Variants in GHR observed in about 807,000 individuals in gnomAD.
The protein encoded by GHR is growth hormone receptor, also known as GH receptor.
GHR carries 35 observed loss-of-function variants against 67.1 expected under a neutral mutation model. That is an observed-to-expected ratio of 0.52 (90% CI 0.40 to 0.69). GHR has a LOEUF of 0.69. Among genes scored for constraint, GHR ranks in the 30% least tolerant of loss-of-function variants. The pLI is 0.00. For missense variants in GHR, 792 were observed against 764.6 expected (o/e 1.04, Z -0.42); for synonymous variants, 272 against 269.1 (o/e 1.01, Z -0.10).
intron 3 of GHR, among the ~76,000 whole-genome samples, chr5:42,641,069 A>G (rs1012303146): frequency 1.6e-4 from 24 of 152,218 alleles, no homozygotes; most frequent in Middle Eastern, 3.4e-3. Flanking sequence ...GCCCTTAGTC[A>G]TGATCAAATA....
Position 42,424,581 on chromosome 5 carries a change from C to T in GHR, c.-12+626C>T, listed in dbSNP as rs1464443745. Reference sequence around the variant, plus strand: ...CTGGGGTCAGTAGAGTGACAGCCACCAGTCCGCATGAACTGGGGTAAGTGG... The same window carrying T: ...CTGGGGTCAGTAGAGTGACAGCCACTAGTCCGCATGAACTGGGGTAAGTGG... On this transcript the variant is annotated intron_variant, in intron 1 of 9. Coordinates refer to ENST00000230882, the MANE Select transcript of GHR (RefSeq NM_000163.5). This position sits in a 1 kb window ranked among gnomAD's most constrained non-coding sequence, Gnocchi z 4.1. 6.5e-7 allele frequency: 1 copy of T among 1,534,722 alleles called. No homozygotes were observed. Among genetic ancestry groups the T allele is most frequent in the Non-Finnish European group, 8.7e-7 (1 of 1,146,202 alleles).
At chr5:42,545,751 A>G (rs760938996) in intron 1 of GHR, among the ~76,000 whole-genome samples, 1 of 152,200 alleles carries the variant, frequency 6.6e-6, no homozygotes, top group Admixed American at 6.5e-5. Context: ...CTGCAAAGAT[A>G]TAGTCCAGGC....
In GHR at chr5:42,629,244, C is replaced by T. The variant is rs1234427870; in HGVS notation, c.136+141C>T. On this transcript the variant is annotated intron_variant, in intron 3 of 9. Transcript: ENST00000230882. The stretch of plus-strand genomic sequence containing the variant: ...GTTGAAATTTTATAGGCAAGCAAAA[C>T]ATTTTTTAAGGATTTATTTTTTAAC... 50 of 618,204 alleles carry T rather than the reference C, an allele frequency of 8.1e-5. 7 individuals are homozygous for T. The East Asian group carries it at 1.2e-3, about 15-fold the overall frequency. 38.3% of individuals were successfully genotyped at this position (618,204 alleles called of 1,614,324 possible). A position where few individuals can be genotyped will look rare whatever the true frequency, so the allele number is the denominator to read the frequency against.
At chr5:42,431,884 T>C (rs1743112381) in intron 1 of GHR, among the ~76,000 whole-genome samples, 1 of 152,304 alleles carries the variant, frequency 6.6e-6, no homozygotes. Context: ...GAAAAGGTAC[T>C]TTTATGTACT....
At position 42,718,165 on chromosome 5, in the gene GHR, A is replaced by G. The variant is rs1239893931; in HGVS notation, c.945+44A>G. On this transcript the variant is annotated intron_variant, in intron 9 of 9. Transcript: ENST00000230882. Reference sequence around the variant, plus strand: ...TAAATTGTAGCTAGTACTAATTAACACCTGAAGACTCCTGTCATATGTTGA... The same window carrying G: ...TAAATTGTAGCTAGTACTAATTAACGCCTGAAGACTCCTGTCATATGTTGA... 8 of 942,754 alleles carry G rather than the reference A, an allele frequency of 8.5e-6. 1 individual carries two copies. Among genetic ancestry groups the G allele is most frequent in the Non-Finnish European group, 1.4e-5 (8 of 567,820 alleles). 58.4% of individuals were successfully genotyped at this position (942,754 alleles called of 1,614,324 possible).
At chr5:42,464,771 G>GCA (rs1561318754) in intron 1 of GHR, among the ~76,000 whole-genome samples, 1 of 152,124 alleles carries the variant, frequency 6.6e-6, no homozygotes, top group Non-Finnish European at 1.5e-5. Flanking sequence ...GGCTGTGTGT[G>GCA]CACACACACA....
At chr5:42,622,523 A>G (rs1456268766) in intron 2 of GHR, among the ~76,000 whole-genome samples, 1 of 152,166 alleles carries the variant, frequency 6.6e-6, no homozygotes, top group African/African-American at 2.4e-5. Flanking sequence ...TCCAAAATGT[A>G]GAGTGACCAG....
chr5:42,490,379 A>G (rs186687198), intron 1 of GHR, among the ~76,000 whole-genome samples: 7 of 152,362 alleles, frequency 4.6e-5, no homozygotes, highest in African/African-American at 9.6e-5. Context: ...TGGCAGTGTC[A>G]TGCTGTACAA....
chr5:42,552,479 C>T, intron 1 of GHR, among the ~76,000 whole-genome samples: 1 of 152,144 alleles, frequency 6.6e-6, no homozygotes, highest in Non-Finnish European at 1.5e-5. Flanking sequence ...GGCCTTCCAG[C>T]CTTTCTAACT....
At chr5:42,544,501 T>C (rs1748650816) in intron 1 of GHR, among the ~76,000 whole-genome samples, 1 of 152,182 alleles carries the variant, frequency 6.6e-6, no homozygotes, top group African/African-American at 2.4e-5. Context: ...CCCTTCCATG[T>C]AGCAACATTG....
intron 1 of GHR, among the ~76,000 whole-genome samples, chr5:42,426,903 T>C (rs1233519116): frequency 2.0e-5 from 3 of 152,230 alleles, no homozygotes; most frequent in African/African-American, 7.2e-5. Flanking sequence ...TATCTCTTAT[T>C]GGAAATAATC....
intron 1 of GHR, among the ~76,000 whole-genome samples, chr5:42,529,137 G>C (rs995181011): frequency 2.0e-5 from 3 of 151,270 alleles, no homozygotes; most frequent in Admixed American, 2.0e-4. Flanking sequence ...TCAGCCTCCC[G>C]AGTAGCTGGA....
intron 3 of GHR, among the ~76,000 whole-genome samples, chr5:42,661,122 G>C (rs934282736): frequency 6.6e-6 from 1 of 152,202 alleles, no homozygotes; most frequent in African/African-American, 2.4e-5. Flanking sequence ...CCAAATCTAT[G>C]TCTGATTGGT....
rs138491809 is a variant in GHR, at chr5:42,694,923, T to C, written c.273T>C (p.Thr91=). 6.2e-7 allele frequency: 1 copy of C among 1,608,204 alleles called. No homozygotes were observed. Among genetic ancestry groups the C allele is most frequent in the East Asian group, 2.2e-5 (1 of 44,836 alleles). ...PIQLFYTRRN[T]QEWTQEWKEC... ...TTTTAACCCTTCATTTTAGGAACAC[T>C]CAAGAATGGACTCAAGAATGGAAAG... is the stretch of plus-strand genomic sequence containing the variant. Residue 91 remains threonine, a synonymous_variant, in exon 5 of 10, where the codon ACT becomes ACC. Coordinates refer to ENST00000230882, the MANE Select transcript of GHR (RefSeq NM_000163.5).
At chr5:42,552,011 G>A (rs1749061316) in intron 1 of GHR, among the ~76,000 whole-genome samples, 1 of 152,236 alleles carries the variant, frequency 6.6e-6, no homozygotes, top group Non-Finnish European at 1.5e-5. Context: ...TAAAGTTTAT[G>A]TGTCTGTCCC....
intron 2 of GHR, among the ~76,000 whole-genome samples, chr5:42,625,576 G>A (rs1753661092): frequency 6.6e-6 from 1 of 152,120 alleles, no homozygotes; most frequent in Admixed American, 6.5e-5. Flanking sequence ...ATATTTTAGG[G>A]AGGCATAAGA....
intron 1 of GHR, among the ~76,000 whole-genome samples, chr5:42,462,707 TG>T (rs919395331): frequency 4.0e-5 from 6 of 150,732 alleles, no homozygotes; most frequent in Non-Finnish European, 7.4e-5. Flanking sequence ...CGTGTGCTTT[TG>T]TGTGTGTGTG....
At chr5:42,526,767 C>T (rs1195865942) in intron 1 of GHR, among the ~76,000 whole-genome samples, 1 of 152,036 alleles carries the variant, frequency 6.6e-6, no homozygotes, top group Non-Finnish European at 1.5e-5. Flanking sequence ...AGATCATACC[C>T]CAGACACATA....
chr5:42,582,952 T>C (rs1295979299), intron 2 of GHR, among the ~76,000 whole-genome samples: 1 of 152,178 alleles, frequency 6.6e-6, no homozygotes, highest in African/African-American at 2.4e-5. Context: ...GTATCCCTCA[T>C]TGCTCCACGC....
Sources: allele counts gnomAD v4.1 joint callset (sites outside exome capture counted in the v4.1 genomes callset), GRCh38; gene constraint gnomAD v4.1.1; non-coding constraint Gnocchi (gnomAD v3.1); transcripts MANE v1.5; gene names NCBI Gene and HGNC (gene_info 2026-07-23, HGNC 2026-07-21).